ARHGAP19: variants seen among roughly 807,000 people sequenced by gnomAD.
ARHGAP19 encodes the protein Rho GTPase activating protein 19.
Under a neutral mutation model 60.9 loss-of-function variants are expected in ARHGAP19, and 48 were observed. That is an observed-to-expected ratio of 0.79 (90% CI 0.62 to 1.00). The LOEUF is 1.00. ARHGAP19 is among the 50% of genes least tolerant of loss of function. The pLI is 0.00. For synonymous variants in ARHGAP19, 209 were observed against 215.5 expected (o/e 0.97, Z 0.27); for missense variants, 562 against 597.2 (o/e 0.94, Z 0.61).
At chr10:97,241,254 G>A (rs1465286642) in intron 8 of ARHGAP19, among the ~76,000 whole-genome samples, 1 of 152,116 alleles carries the variant, frequency 6.6e-6, no homozygotes. Context: ...GAACCCAGGA[G>A]GCGGAGGTTG....
At chr10:97,243,756 C>T (rs1842522525) in intron 8 of ARHGAP19, among the ~76,000 whole-genome samples, 1 of 152,198 alleles carries the variant, frequency 6.6e-6, no homozygotes, top group South Asian at 2.1e-4. Context: ...TCTAACCACA[C>T]TTGGATCCTC....
In ARHGAP19 at chr10:97,245,320, T is replaced by G. The variant is rs559963659; in HGVS notation, c.993+952A>C. 2.0e-5 allele frequency among the ~76,000 whole-genome samples: 3 copies of G among 152,122 alleles called. No individual in the cohort carries two copies. The South Asian group carries it at 6.2e-4, about 32-fold the overall frequency. On this transcript the variant is annotated intron_variant, in intron 7 of 11. Coordinates refer to ENST00000358531, the MANE Select transcript of ARHGAP19 (RefSeq NM_032900.6). ...CCACACTCGGCCATAACTTCTTACT[T>G]TTAAAACTCAATACTCATATCTAGG...
chr10:97,237,359 T>C, intron 8 of ARHGAP19, among the ~76,000 whole-genome samples: 1 of 152,160 alleles, frequency 6.6e-6, no homozygotes, highest in African/African-American at 2.4e-5. Flanking sequence ...AATGACATTT[T>C]GGTCAATGAC....
chr10:97,272,867 G>C (rs1380816702), intron 1 of ARHGAP19, among the ~76,000 whole-genome samples: 1 of 146,140 alleles, frequency 6.8e-6, no homozygotes, highest in Non-Finnish European at 1.5e-5. Flanking sequence ...TTGAGATGGA[G>C]TCTCGCTCTG....
At chr10:97,261,800 T>A (rs1196793646) in intron 4 of ARHGAP19, among the ~76,000 whole-genome samples, 1 of 152,194 alleles carries the variant, frequency 6.6e-6, no homozygotes, top group African/African-American at 2.4e-5. Context: ...CAGTAATGGA[T>A]ATTGATGCTG....
At chr10:97,270,311 G>C (rs1202743800) in intron 1 of ARHGAP19, among the ~76,000 whole-genome samples, 1 of 152,004 alleles carries the variant, frequency 6.6e-6, no homozygotes, top group Non-Finnish European at 1.5e-5. Flanking sequence ...CAATATCTAA[G>C]AGATGGAAAT....
intron 7 of ARHGAP19, 25 bp downstream of exon 7, chr10:97,246,242 TTTGGG>T: frequency 6.3e-7 from 1 of 1,583,172 alleles, no homozygotes; most frequent in Non-Finnish European, 8.7e-7. Flanking sequence ...GCTCTCCTTG[TTTGGG>T]TTAAGAGCAG....
At chr10:97,276,869 G>A (rs1422293287) in intron 1 of ARHGAP19, among the ~76,000 whole-genome samples, 8 of 8,742 alleles carry the variant, frequency 9.2e-4, no homozygotes, top group African/African-American at 1.1e-3. Context: ...CGCCCCGTCC[G>A]GGAGGTGAGG....
chr10:97,290,247 G>A (rs1261639680), intron 1 of ARHGAP19, among the ~76,000 whole-genome samples: 6 of 152,030 alleles, frequency 3.9e-5, no homozygotes, highest in South Asian at 4.1e-4. Flanking sequence ...TGCCGCTGTC[G>A]CAGACCCGCC....
intron 6 of ARHGAP19, among the ~76,000 whole-genome samples, chr10:97,251,163 A>G (rs1487734433): frequency 3.7e-4 from 34 of 91,260 alleles, no homozygotes; most frequent in Middle Eastern, 5.5e-3. Context: ...GCCAAGGGGA[A>G]GGGAAGGGGA....
chr10:97,255,336 TG>T (rs968636890), intron 6 of ARHGAP19, among the ~76,000 whole-genome samples: 1 of 152,138 alleles, frequency 6.6e-6, no homozygotes, highest in African/African-American at 2.4e-5. Flanking sequence ...CCCAGCACTT[TG>T]GGAGGCTGTG....
At chr10:97,273,749 A>T (rs1047531033) in intron 1 of ARHGAP19, among the ~76,000 whole-genome samples, 3 of 151,964 alleles carry the variant, frequency 2.0e-5, no homozygotes, top group African/African-American at 7.3e-5. Context: ...TTGGCCTCTC[A>T]AAGTGCTGGG....
intron 6 of ARHGAP19, among the ~76,000 whole-genome samples, chr10:97,253,528 G>A (rs1589459145): frequency 6.6e-6 from 1 of 152,106 alleles, no homozygotes; most frequent in Non-Finnish European, 1.5e-5. Flanking sequence ...TGGTCAATAG[G>A]TACAAACATG....
chr10:97,236,893 G>A (rs1039544309), intron 8 of ARHGAP19, among the ~76,000 whole-genome samples: 1 of 150,430 alleles, frequency 6.6e-6, no homozygotes, highest in Admixed American at 6.6e-5. Context: ...TCTAGAAATA[G>A]ATCTAACTAC....
intron 11 of ARHGAP19, among the ~76,000 whole-genome samples, chr10:97,226,483 A>G (rs1308686279): frequency 3.3e-5 from 5 of 152,232 alleles, no homozygotes; most frequent in Non-Finnish European, 7.3e-5. Flanking sequence ...GAGGACTAAT[A>G]TATAAGCTAT....
chr10:97,272,773 CA>C (rs1842976103), intron 1 of ARHGAP19, among the ~76,000 whole-genome samples: 1 of 150,786 alleles, frequency 6.6e-6, no homozygotes, highest in Non-Finnish European at 1.5e-5. Context: ...AATTTTTTTT[CA>C]ATGTAATTAG....
At chr10:97,279,030 G>A (rs1843052129) in intron 1 of ARHGAP19, among the ~76,000 whole-genome samples, 1 of 152,126 alleles carries the variant, frequency 6.6e-6, no homozygotes, top group African/African-American at 2.4e-5. Flanking sequence ...CTCTCTTACT[G>A]CTTTTTCAAC....
intron 1 of ARHGAP19, among the ~76,000 whole-genome samples, chr10:97,274,151 T>C (rs17112626): frequency 0.012 from 1,763 of 152,244 alleles, 31 homozygotes; most frequent in South Asian, 0.06. Flanking sequence ...TGGACAGTGA[T>C]TAAGAGGCAT....
chr10:97,263,779 A>G, intron 3 of ARHGAP19, 150 bp from the exon 4 acceptor site: 1 of 694,476 alleles, frequency 1.4e-6, no homozygotes, highest in Admixed American at 2.7e-5. Flanking sequence ...AGGGTAGTTT[A>G]GAACCTATTG....
Sources: gnomAD v4.1 joint callset for allele counts (sites outside exome capture counted in the v4.1 genomes callset) on GRCh38, gnomAD v4.1.1 for gene constraint, MANE v1.5 for transcripts, NCBI Gene and HGNC (gene_info 2026-07-23, HGNC 2026-07-21) for gene names.